Variants in ATP2A3 observed in about 807,000 individuals in gnomAD.
The protein encoded by ATP2A3 is ATPase sarcoplasmic/endoplasmic reticulum Ca2+ transporting 3, also known as sarcoplasmic/endoplasmic reticulum calcium ATPase 3.
Under a neutral mutation model 106.8 loss-of-function variants are expected in ATP2A3, and 61 were observed. That is an observed-to-expected ratio of 0.57 (90% CI 0.46 to 0.71). ATP2A3 has a LOEUF of 0.71. ATP2A3 is among the 30% of genes least tolerant of loss of function. The pLI, the probability that ATP2A3 is intolerant of heterozygous loss-of-function variation, is 0.00. For synonymous variants in ATP2A3, 611 were observed against 609.3 expected (o/e 1.00, Z -0.04); for missense variants, 1,201 against 1,423.5 (o/e 0.84, Z 2.52).
Position 3,929,330 on chromosome 17 carries a change from G to A in ATP2A3, c.2860C>T (p.Pro954Ser). ...HFLILLVPPL[P>S]LIFQVTPLSG... is the part of the protein sequence containing the mutation. Reference sequence around the variant, plus strand: ...GTGGGGCAGGCGGGGTGACTCACAGGCAGGGGCGGCACGAGCAGGATGAGG... The same window carrying A: ...GTGGGGCAGGCGGGGTGACTCACAGACAGGGGCGGCACGAGCAGGATGAGG... The change falls in exon 19 of 21, where the codon CCT becomes TCT. Residue 954 changes from proline to serine, a missense_variant and splice_region_variant. Transcript: ENST00000397041. The surrounding 1 kb of genome is among the most constrained non-coding windows in gnomAD (Gnocchi z 4.3). 6.4e-7 allele frequency: 1 copy of A among 1,550,572 alleles called. No homozygotes were observed. The highest frequency in any genetic ancestry group is 8.7e-7 in the Non-Finnish European group (1 of 1,147,254).
In ATP2A3 at chr17:3,925,845, CAGGCCTCA is replaced by C. The variant is rs988480017; in HGVS notation, c.2981-412_2981-405del. On this transcript the variant is annotated intron_variant, in intron 20 of 20. Coordinates refer to ENST00000397041, the MANE Select transcript of ATP2A3 (RefSeq NM_005173.4). The surrounding 1 kb of genome is among the most constrained non-coding windows in gnomAD (Gnocchi z 4.2). ...CATCTCTCCCACTGCCTTCCCCAAC[CAGGCCTCA>C]AGGCCTCAAGGCCTGCCGCCCTGCC... is the stretch of plus-strand genomic sequence containing the variant. Among the ~76,000 whole-genome samples, 5 of 152,148 alleles carry C rather than the reference CAGGCCTCA, an allele frequency of 3.3e-5. No homozygotes were observed. Among genetic ancestry groups the C allele is most frequent in the South Asian group, 2.1e-4 (1 of 4,830 alleles).
At chr17:3,941,688 A>C in intron 12 of ATP2A3, 34 bp from the exon 13 acceptor site, 18 of 1,593,484 alleles carry the variant, frequency 1.1e-5, no homozygotes, top group Non-Finnish European at 1.4e-5. Context: ...GAGGTAACTC[A>C]TCAGTCAGAA....
chr17:3,927,571 G>A (rs1223265686), intron 20 of ATP2A3: 2 of 985,332 alleles, frequency 2.0e-6, no homozygotes, highest in African/African-American at 1.7e-5. Context: ...GGCCCCCATG[G>A]ATGGGAGTTT....
chr17:3,925,579 A>G lies in ATP2A3; in HGVS notation c.2981-138T>C. On this transcript the variant is annotated intron_variant, in intron 20 of 20. Transcript: ENST00000397041. This position sits in a 1 kb window ranked among gnomAD's most constrained non-coding sequence, Gnocchi z 4.2. ...CAAGGCCTCCCTTAGTCCAGACCTC[A>G]GTCTACCCCAGCCCCACCGGACCCC... is the stretch of plus-strand genomic sequence containing the variant. The G allele has an allele frequency of 1.8e-6, 2 of 1,091,728 alleles. No homozygotes were observed. Among genetic ancestry groups the G allele is most frequent in the Admixed American group, 2.0e-5 (1 of 50,026 alleles). 67.6% of individuals were successfully genotyped at this position (1,091,728 alleles called of 1,614,324 possible). A position where few individuals can be genotyped will look rare whatever the true frequency, so the allele number is the denominator to read the frequency against.
intron 12 of ATP2A3, 123 bp downstream of exon 12, chr17:3,942,483 G>T: frequency 2.9e-6 from 4 of 1,402,024 alleles, no homozygotes; most frequent in Non-Finnish European, 3.8e-6. Flanking sequence ...GGCAAAAGGG[G>T]CTCCTGAGAA....
In ATP2A3 at chr17:3,951,239, G is replaced by A; in HGVS notation, c.463+12C>T. 1 of 1,525,040 alleles carries A rather than the reference G, an allele frequency of 6.6e-7. No homozygotes were observed. The allele number at this position is 1,525,040 out of a possible 1,614,324, so 94.5% of individuals were successfully genotyped here. A position where few individuals can be genotyped will look rare whatever the true frequency, so the allele number is the denominator to read the frequency against. ...AAATAAAATAAAATAAAAGGAGGAG[G>A]CCCCGGCATACCTGCCACTTCTACA... On this transcript the variant is annotated intron_variant, in intron 5 of 20. Coordinates refer to ENST00000397041, the MANE Select transcript of ATP2A3 (RefSeq NM_005173.4).
At chr17:3,944,876 G>T in intron 9 of ATP2A3, 70 bp from the exon 10 acceptor site, 1 of 888,510 alleles carries the variant, frequency 1.1e-6, no homozygotes, top group Non-Finnish European at 1.6e-6. Flanking sequence ...TCTTGGCCCC[G>T]CCCCTAGGAG....
chr17:3,926,859 GCA>G lies in ATP2A3; in HGVS notation c.2981-1420_2981-1419del, dbSNP rs1291073712. On this transcript the variant is annotated intron_variant, in intron 20 of 20. Transcript: ENST00000397041. The surrounding 1 kb of genome is among the most constrained non-coding windows in gnomAD (Gnocchi z 4.6). ...GCTGGGATGACAGGTGTGAGCCACT[GCA>G]CCCGGCCCGTTAGTCTCACCCCCTC... is the stretch of plus-strand genomic sequence containing the variant. 1.0e-6 allele frequency: 1 copy of G among 985,266 alleles called. No homozygotes were observed. The highest frequency in any genetic ancestry group is 1.7e-5 in the African/African-American group (1 of 57,218). The allele number at this position is 985,266 out of a possible 1,614,324, so 61.0% of individuals were successfully genotyped here.
At position 3,947,435 on chromosome 17, in the gene ATP2A3, C is replaced by T. The variant is rs373369387; in HGVS notation, c.1051G>A (p.Asp351Asn). The change falls in exon 8 of 21, where the codon GAC (aspartate) becomes AAC (asparagine). Residue 351 changes from aspartate (D) to asparagine (N), a missense_variant. Physicochemically the swap from Asp to Asn is conservative, Grantham distance 23. Around this residue, in one of 2 missense-constraint regions of ATP2A3, gnomAD observed 935 missense variants for 1,176.7 expected, o/e 0.79. Coordinates refer to ENST00000397041, the MANE Select transcript of ATP2A3 (RefSeq NM_005173.4). The surrounding 1 kb of genome is among the most constrained non-coding windows in gnomAD (Gnocchi z 7.7). ...TLGCTSVICS[D>N]KTGTLTTNQM... ...TTGGTGGTGAGCGTGCCCGTCTTGTCGGAGCAGATGACTGAGGTGCAGCCC... is the reference window on the plus strand; with the variant it reads ...TTGGTGGTGAGCGTGCCCGTCTTGTTGGAGCAGATGACTGAGGTGCAGCCC... 4 of 1,613,768 alleles carry T rather than the reference C, an allele frequency of 2.5e-6. No homozygotes were observed. Among genetic ancestry groups the T allele is most frequent in the Non-Finnish European group, 3.4e-6 (4 of 1,180,042 alleles).
In ATP2A3 at chr17:3,928,972, C is replaced by G. The variant is rs1567675958; in HGVS notation, c.2863-192G>C. On this transcript the variant is annotated intron_variant, in intron 19 of 20. Coordinates refer to ENST00000397041, the MANE Select transcript of ATP2A3 (RefSeq NM_005173.4). This position sits in a 1 kb window ranked among gnomAD's most constrained non-coding sequence, Gnocchi z 6.1. The stretch of plus-strand genomic sequence containing the variant: ...TCTTTGTCTGTTCAGCTGCACCCCC[C>G]AATCTTTGTCCGCTCAGCTTCCTCT... 6.6e-6 allele frequency among the ~76,000 whole-genome samples: 1 copy of G among 151,538 alleles called. No homozygotes were observed.
At position 3,950,727 on chromosome 17, in the gene ATP2A3, G is replaced by A. The variant is rs1415372423; in HGVS notation, c.510C>T (p.Ser170=). The A allele has an allele frequency of 6.2e-7, 1 of 1,613,992 alleles. No homozygotes were observed. The highest frequency in any genetic ancestry group is 1.7e-5 in the Admixed American group (1 of 60,020). Residue 170 remains serine, a synonymous_variant, in exon 6 of 21, where the codon TCC becomes TCT. Coordinates refer to ENST00000397041, the MANE Select transcript of ATP2A3 (RefSeq NM_005173.4). The part of the protein sequence containing the change: ...PADLRLIEIK[S]TTLRVDQSIL... ...TGGACTGGTCCACTCGCAGCGTGGT[G>A]GACTTGATCTCGATGAGGCGGAGGT...
chr17:3,952,658 C>T (rs1250598187), intron 3 of ATP2A3, among the ~76,000 whole-genome samples: 3 of 152,024 alleles, frequency 2.0e-5, no homozygotes, highest in African/African-American at 4.8e-5. Flanking sequence ...GGTGTGATCA[C>T]GGCTCACTGC....
chr17:3,927,919 T>C lies in ATP2A3; in HGVS notation c.2980+744A>G, dbSNP rs571085513. 2.3e-5 allele frequency: 37 copies of C among 1,607,826 alleles called. No individual in the cohort carries two copies. In the South Asian group the frequency reaches 3.5e-4, roughly 15 times the overall value. On this transcript the variant is annotated intron_variant, in intron 20 of 20. Transcript: ENST00000397041. ...CACTGCCCAGCCCAACCTAGGCCCC[T>C]GCACAGCAGTCCAGCCATACGGCCA... is the stretch of plus-strand genomic sequence containing the variant.
At chr17:3,962,944 A>C (rs573641734) in intron 1 of ATP2A3, among the ~76,000 whole-genome samples, 2 of 152,318 alleles carry the variant, frequency 1.3e-5, no homozygotes, top group South Asian at 2.1e-4. Context: ...AGCAAAGCAC[A>C]ACCTCCCTGC....
chr17:3,937,745 GAC>G (rs1282527782), intron 14 of ATP2A3, 109 bp from the exon 15 acceptor site: 2 of 1,096,594 alleles, frequency 1.8e-6, no homozygotes, highest in Non-Finnish European at 2.7e-6. Flanking sequence ...AAAGGAAGCA[GAC>G]AGTTAGACAG....
Position 3,928,312 on chromosome 17 carries a change from C to T in ATP2A3, c.2980+351G>A. 1 of 1,613,124 alleles carries T rather than the reference C, an allele frequency of 6.2e-7. No homozygotes were observed. Among genetic ancestry groups the T allele is most frequent in the Non-Finnish European group, 8.5e-7 (1 of 1,179,990 alleles). On this transcript the variant is annotated intron_variant, in intron 20 of 20. Transcript: ENST00000397041. This position sits in a 1 kb window ranked among gnomAD's most constrained non-coding sequence, Gnocchi z 6.1. ...GGCCTGCGAGACTGTCCTGAGAAGGCCTGGATAAAGACAGGCTGGGTGCAG... is the reference window on the plus strand; with the variant it reads ...GGCCTGCGAGACTGTCCTGAGAAGGTCTGGATAAAGACAGGCTGGGTGCAG...
chr17:3,956,360 A>G (rs2054780177), intron 1 of ATP2A3, among the ~76,000 whole-genome samples: 1 of 152,016 alleles, frequency 6.6e-6, no homozygotes, highest in African/African-American at 2.4e-5. Context: ...GAGTTTTGAG[A>G]AGAAGGATGT....
chr17:3,940,952 C>A lies in ATP2A3; in HGVS notation c.2100+19G>T, dbSNP rs745471191. The A allele has an allele frequency of 2.5e-6, 4 of 1,613,726 alleles. No individual in the cohort carries two copies. Among genetic ancestry groups the A allele is most frequent in the Non-Finnish European group, 2.5e-6 (3 of 1,179,666 alleles). On this transcript the variant is annotated intron_variant, in intron 14 of 20. Transcript: ENST00000397041. ...CCCCACTCATCACCCCCTCCTGGGGCTCCAGGCTGTGGCCTCACCATAGCA... is the reference window on the plus strand; with the variant it reads ...CCCCACTCATCACCCCCTCCTGGGGATCCAGGCTGTGGCCTCACCATAGCA...
In ATP2A3 at chr17:3,930,965, A is replaced by C; in HGVS notation, c.2611-531T>G. 4.4e-6 allele frequency: 1 copy of C among 224,910 alleles called. No individual in the cohort carries two copies. Among genetic ancestry groups the C allele is most frequent in the Non-Finnish European group, 9.0e-6 (1 of 110,588 alleles). The allele number at this position is 224,910 out of a possible 1,614,324, so 13.9% of individuals were successfully genotyped here. On this transcript the variant is annotated intron_variant, in intron 17 of 20. Coordinates refer to ENST00000397041, the MANE Select transcript of ATP2A3 (RefSeq NM_005173.4). The surrounding 1 kb of genome is among the most constrained non-coding windows in gnomAD (Gnocchi z 5.4). ...GGACCAGCCTGGCTAACATGGTGAA[A>C]CCCCGTCTCTACTAAAAATACAAAA...
Sources: gnomAD v4.1 joint callset for allele counts (sites outside exome capture counted in the v4.1 genomes callset) on GRCh38, gnomAD v4.1.1 for gene constraint, gnomAD v4.1.1 regional missense constraint, Gnocchi (gnomAD v3.1) non-coding constraint, MANE v1.5 for transcripts, NCBI Gene and HGNC (gene_info 2026-07-23, HGNC 2026-07-21) for gene names.